The following IL1RAP variants were observed in gnomAD, a reference collection of about 807,000 sequenced individuals.
IL1RAP encodes interleukin 1 receptor accessory protein.
A neutral mutation model predicts 60.7 loss-of-function variants in IL1RAP; 35 were observed. That is an observed-to-expected ratio of 0.58 (90% CI 0.44 to 0.76). IL1RAP has a LOEUF of 0.76. IL1RAP is among the 30% of genes least tolerant of loss of function. The pLI is 0.00. For synonymous variants in IL1RAP, 268 were observed against 250.9 expected, an observed-to-expected ratio of 1.07 and a Z score of -0.64; for missense variants, 572 against 693.9, an observed-to-expected ratio of 0.82 and a Z score of 1.97.
At chr3:190,598,323 T>C (rs1729559460) in intron 3 of IL1RAP, among the ~76,000 whole-genome samples, 3 of 151,198 alleles carry the variant, frequency 2.0e-5, no homozygotes, top group Non-Finnish European at 4.4e-5. Context: ...TTTCTTCCTC[T>C]TTTTTTTTCT....
In IL1RAP at chr3:190,629,512, T is replaced by C. The variant is rs776746299; in HGVS notation, c.1051+14T>C. 6.2e-7 allele frequency: 1 copy of C among 1,601,522 alleles called. No individual in the cohort carries two copies. The highest frequency in any genetic ancestry group is 1.1e-5 in the South Asian group (1 of 89,224). On this transcript the variant is annotated intron_variant, in intron 9 of 11. Transcript: ENST00000447382. ...TGAAGCAGAAAGGTAATAGATGCGG[T>C]CAGTGATGAATCTCTCAGCTCCAAA...
chr3:190,652,077 T>A (rs1319842447), downstream of IL1RAP, among the ~76,000 whole-genome samples: 1 of 152,148 alleles, frequency 6.6e-6, no homozygotes, highest in African/African-American at 2.4e-5. Flanking sequence ...TGTTACAAAT[T>A]TTGAATAAAT....
chr3:190,526,545 T>A (rs1386659491), intron 1 of IL1RAP, among the ~76,000 whole-genome samples: 1 of 152,204 alleles, frequency 6.6e-6, no homozygotes, highest in Non-Finnish European at 1.5e-5. Context: ...TGAGGCAACC[T>A]AGGTAGCAGA....
intron 1 of IL1RAP, among the ~76,000 whole-genome samples, chr3:190,537,312 C>T (rs1560148905): frequency 6.6e-6 from 1 of 152,104 alleles, no homozygotes; most frequent in Non-Finnish European, 1.5e-5. Context: ...CCCATGAGTC[C>T]TCTCTGTTTC....
chr3:190,626,451 T>G (rs76262314), intron 7 of IL1RAP, among the ~76,000 whole-genome samples: 4,868 of 152,158 alleles, frequency 0.032, 273 homozygotes, highest in African/African-American at 0.11. Flanking sequence ...TATTTTTAAG[T>G]TATCTTAAAA....
chr3:190,555,683 A>G (rs1384454316), intron 1 of IL1RAP, among the ~76,000 whole-genome samples: 1 of 152,150 alleles, frequency 6.6e-6, no homozygotes, highest in Non-Finnish European at 1.5e-5. Context: ...GTTATAATTA[A>G]AAGTATGTGG....
intron 2 of IL1RAP, among the ~76,000 whole-genome samples, chr3:190,556,600 G>A (rs1189135780): frequency 1.3e-5 from 2 of 152,102 alleles, no homozygotes; most frequent in African/African-American, 2.4e-5. Context: ...TGGCTTTTCT[G>A]TAATTTGTCA....
intron 9 of IL1RAP, among the ~76,000 whole-genome samples, chr3:190,636,356 T>A (rs1733223990): frequency 1.3e-5 from 2 of 152,160 alleles, no homozygotes; most frequent in Non-Finnish European, 2.9e-5. Context: ...TCTCTTCAGT[T>A]CTGCCAGTAT....
chr3:190,558,600 C>A lies in IL1RAP; in HGVS notation c.-2+2384C>A, dbSNP rs557024447. Among the ~76,000 whole-genome samples the A allele has an allele frequency of 5.3e-5, 8 of 152,194 alleles. No homozygotes were observed. The South Asian group carries it at 1.7e-3, about 32-fold the overall frequency. On this transcript the variant is annotated intron_variant, in intron 2 of 11. Coordinates refer to ENST00000447382, the MANE Select transcript of IL1RAP (RefSeq NM_002182.4). ...TGCATATCGTTTTGGTAAAGTGTTT[C>A]TTTATGACTTAAACATTTTAAAATT...
rs547317887 is a variant in IL1RAP at position 190,535,842 on chromosome 3, C to T, written c.-88-20288C>T. The stretch of plus-strand genomic sequence containing the variant: ...TCTGTCTATTAAGTGCTGTGTTTGG[C>T]CCAGTCTTCCTCAGGTCTCCTATGG... On this transcript the variant is annotated intron_variant, in intron 1 of 11. Transcript: ENST00000447382. Among the ~76,000 whole-genome samples, 4 of 152,290 alleles carry T rather than the reference C, an allele frequency of 2.6e-5. No individual in the cohort carries two copies. In the South Asian group the frequency reaches 8.3e-4, roughly 32 times the overall value.
At position 190,649,765 on chromosome 3, in the gene IL1RAP, A is replaced by G. The variant is rs1734280541; in HGVS notation, c.*1060A>G. The G allele has an allele frequency of 2.0e-6, 2 of 985,498 alleles. No individual in the cohort carries two copies. The highest frequency in any genetic ancestry group is 1.2e-6 in the Non-Finnish European group (1 of 829,862). 61.0% of individuals were successfully genotyped at this position (985,498 alleles called of 1,614,324 possible). The stretch of plus-strand genomic sequence containing the variant: ...AAGAGAATTAACTGTATTTCCTGTC[A>G]CCTATTCACTAGTGCAGGAAATATA... On this transcript the variant is annotated 3_prime_UTR_variant, in exon 12 of 12. Coordinates refer to ENST00000447382, the MANE Select transcript of IL1RAP (RefSeq NM_002182.4).
downstream of IL1RAP, chr3:190,655,971 G>A: frequency 6.5e-7 from 1 of 1,537,252 alleles, no homozygotes; most frequent in South Asian, 1.2e-5. Flanking sequence ...TGACAGAAAA[G>A]AGCATCAGCA....
At chr3:190,627,532 T>C in intron 8 of IL1RAP, 83 bp downstream of exon 8, 1 of 1,442,516 alleles carries the variant, frequency 6.9e-7, no homozygotes, top group Non-Finnish European at 9.2e-7. Flanking sequence ...TCAATGAAAA[T>C]AAAAATTCTC....
At chr3:190,545,709 A>G (rs1724307471) in intron 1 of IL1RAP, among the ~76,000 whole-genome samples, 1 of 152,230 alleles carries the variant, frequency 6.6e-6, no homozygotes, top group Non-Finnish European at 1.5e-5. Context: ...TTTGGTGTCC[A>G]GGAAGCTATA....
At position 190,564,243 on chromosome 3, in the gene IL1RAP, T is replaced by C. The variant is rs112372856; in HGVS notation, c.-1-46T>C. ...TGCTAGTTATTATTATTTAAGCCCT[T>C]GAAAGTAGTAAGTGATTTCCCTTAC... On this transcript the variant is annotated intron_variant, in intron 2 of 11. Coordinates refer to ENST00000447382, the MANE Select transcript of IL1RAP (RefSeq NM_002182.4). 875 of 1,221,262 alleles carry C rather than the reference T, an allele frequency of 7.2e-4. 9 individuals carry two copies. In the African/African-American group the frequency reaches 0.012, roughly 17 times the overall value. 75.7% of individuals were successfully genotyped at this position (1,221,262 alleles called of 1,614,324 possible).
intron 5 of IL1RAP, 67 bp from the exon 6 acceptor site, chr3:190,620,208 C>T (rs553969424): frequency 4.6e-5 from 37 of 802,572 alleles, no homozygotes; most frequent in African/African-American, 2.5e-4. Context: ...TGTGAGTGTG[C>T]GTGTGTTTGT....
intron 1 of IL1RAP, among the ~76,000 whole-genome samples, chr3:190,534,906 A>T (rs1190014772): frequency 7.0e-6 from 1 of 142,642 alleles, no homozygotes; most frequent in African/African-American, 2.7e-5. Context: ...ATAAAGTGTA[A>T]GAGAATTAAA....
chr3:190,627,334 C>A lies in IL1RAP; in HGVS notation c.787C>A (p.Leu263Ile). 2 of 1,597,966 alleles carry A rather than the reference C, an allele frequency of 1.3e-6. No individual in the cohort carries two copies. Among genetic ancestry groups the A allele is most frequent in the Non-Finnish European group, 8.5e-7 (1 of 1,173,030 alleles). Residue 263 changes from leucine to isoleucine, a missense_variant, in exon 8 of 12, where the codon CTC becomes ATC. Transcript: ENST00000447382. ...VYEKEPGEEL[L>I]IPCTVYFSFL... ...GTTTTTTTTTTCAGGAGAGGAGCTA[C>A]TCATTCCCTGTACGGTCTATTTTAG...
intron 6 of IL1RAP, among the ~76,000 whole-genome samples, chr3:190,622,451 C>G (rs2108798550): frequency 6.6e-6 from 1 of 152,156 alleles, no homozygotes; most frequent in East Asian, 1.9e-4. Context: ...TGAAGGACTC[C>G]TTCCTAAAAG....
Sources: gnomAD v4.1 joint callset for allele counts (sites outside exome capture counted in the v4.1 genomes callset) on GRCh38, gnomAD v4.1.1 for gene constraint, MANE v1.5 for transcripts, NCBI Gene and HGNC (gene_info 2026-07-23, HGNC 2026-07-21) for gene names.